The following ADGRG3 variants were observed in gnomAD, a reference collection of about 807,000 sequenced individuals.
ADGRG3 encodes the protein adhesion G protein-coupled receptor G3, also known as G protein-coupled receptor 97.
In ADGRG3, 39 loss-of-function variants were observed where a neutral mutation model predicts 54.3. The observed-to-expected ratio is 0.72, with a 90% CI of 0.56 to 0.94. The LOEUF (loss-of-function observed/expected upper bound fraction) is 0.94. Among genes scored for constraint, ADGRG3 ranks in the 40% least tolerant of loss-of-function variants. ADGRG3 has a pLI of 0.00. For synonymous variants in ADGRG3, 312 were observed against 290.0 expected, an observed-to-expected ratio of 1.08 and a Z score of -0.77; for missense variants, 654 against 694.6, an observed-to-expected ratio of 0.94 and a Z score of 0.66.
intron 8 of ADGRG3, 72 bp downstream of exon 8, chr16:57,680,689 C>A: frequency 1.9e-6 from 2 of 1,048,944 alleles, no homozygotes; most frequent in Non-Finnish European, 3.0e-6. Flanking sequence ...GGGTGGGAAG[C>A]ATTCAGGTTG....
intron 5 of ADGRG3, among the ~76,000 whole-genome samples, 182 bp from the exon 6 acceptor site, chr16:57,679,634 C>G (rs2048326935): frequency 6.6e-6 from 1 of 152,148 alleles, no homozygotes; most frequent in Non-Finnish European, 1.5e-5. Context: ...GCTTCACACG[C>G]CGGCCCAGGG....
At position 57,684,179 on chromosome 16, in the gene ADGRG3, C is replaced by T; in HGVS notation, c.1129C>T (p.His377Tyr). Residue 377 changes from histidine (H) to tyrosine (Y), a missense_variant, in exon 9 of 12, where the codon CAC becomes TAC. Coordinates refer to ENST00000333493, the MANE Select transcript of ADGRG3 (RefSeq NM_170776.5). ...AVRVFNTYFG[H>Y]YFLKLSLVGW... is the part of the protein sequence containing the mutation. ...CAGGGTCTTCAACACCTACTTCGGG[C>T]ACTACTTCCTGAAGCTGAGCCTGGT... 2 of 1,613,736 alleles carry T rather than the reference C, an allele frequency of 1.2e-6. No individual in the cohort carries two copies. The highest frequency in any genetic ancestry group is 8.5e-7 in the Non-Finnish European group (1 of 1,179,788).
intron 1 of ADGRG3, among the ~76,000 whole-genome samples, 156 bp downstream of exon 1, chr16:57,668,561 T>C (rs7205731): frequency 0.78 from 119,078 of 152,184 alleles, 46,937 homozygotes; most frequent in East Asian, 0.98. Flanking sequence ...CTCAGCACCT[T>C]CTCTAGCCCT....
chr16:57,683,718 C>G (rs1003640406), intron 8 of ADGRG3, among the ~76,000 whole-genome samples: 2 of 152,208 alleles, frequency 1.3e-5, no homozygotes, highest in Admixed American at 1.3e-4. Flanking sequence ...GGATCCGGAA[C>G]CCACAGGGCC....
rs12596635 is a variant in ADGRG3, at chr16:57,676,181, C to G, written c.207-19C>G. ...AGCCTGCAGGATCCTACCCTCCCCC[C>G]ATCCCTGGCCCTTTGCAGATACTGG... On this transcript the variant is annotated intron_variant, in intron 2 of 11. Coordinates refer to ENST00000333493, the MANE Select transcript of ADGRG3 (RefSeq NM_170776.5). 0.58 allele frequency: 937,063 copies of G among 1,610,516 alleles called. 280,171 individuals are homozygous for G. Among genetic ancestry groups the G allele is most frequent in the Non-Finnish European group, 0.62 (732,318 of 1,177,204 alleles).
At chr16:57,676,104 TGA>T in intron 2 of ADGRG3, 94 bp from the exon 3 acceptor site, 1 of 1,156,492 alleles carries the variant, frequency 8.6e-7, no homozygotes, top group South Asian at 1.4e-5. Context: ...GTCTTTACTT[TGA>T]TAGTTTGGGT....
At chr16:57,666,654 G>GT (rs1567847516), upstream of ADGRG3, among the ~76,000 whole-genome samples, 2 of 152,158 alleles carry the variant, frequency 1.3e-5, no homozygotes, top group African/African-American at 4.8e-5. Context: ...GTTGGGGGGG[G>GT]TCTCAGGGTT....
At chr16:57,671,624 C>T (rs1207936684) in intron 1 of ADGRG3, among the ~76,000 whole-genome samples, 3 of 151,932 alleles carry the variant, frequency 2.0e-5, no homozygotes, top group Non-Finnish European at 2.9e-5. Context: ...CGTGAGTCAC[C>T]GCACTCAGCC....
upstream of ADGRG3, among the ~76,000 whole-genome samples, chr16:57,667,125 A>G (rs769009814): frequency 1.3e-5 from 2 of 152,130 alleles, no homozygotes; most frequent in Admixed American, 6.5e-5. Flanking sequence ...CTCCCACACC[A>G]TGAGTGACCC....
rs142561496 is a variant in ADGRG3, at chr16:57,678,174, C to T, written c.350C>T (p.Pro117Leu). 21 of 1,613,858 alleles carry T rather than the reference C, an allele frequency of 1.3e-5. No homozygotes were observed. In the African/African-American group the frequency reaches 2.7e-4, roughly 21 times the overall value. Reference protein sequence around the residue: ...FYFSLEPSQVPRQVMKDEDKP... With the variant: ...FYFSLEPSQVLRQVMKDEDKP... Reference sequence around the variant, plus strand: ...CTGCTGTGTCTGTGGTTGTAGGTTCCGAGGCAGGTGATGAAGGACGAGGAC... The same window carrying T: ...CTGCTGTGTCTGTGGTTGTAGGTTCTGAGGCAGGTGATGAAGGACGAGGAC... Residue 117 changes from proline (P) to leucine (L), a missense_variant, in exon 4 of 12, where the codon CCG becomes CTG. Transcript: ENST00000333493.
intron 8 of ADGRG3, among the ~76,000 whole-genome samples, chr16:57,681,390 G>A (rs552203687): frequency 8.6e-5 from 13 of 151,620 alleles, no homozygotes; most frequent in South Asian, 6.2e-4. Flanking sequence ...GCGTGCGTGC[G>A]CGCAGGACAT....
rs751073658 is a variant in ADGRG3 at position 57,673,480 on chromosome 16, C to T, written c.206+12C>T. 6 of 1,591,148 alleles carry T rather than the reference C, an allele frequency of 3.8e-6. No homozygotes were observed. The highest frequency in any genetic ancestry group is 1.3e-5 in the African/African-American group (1 of 74,624). ...GAAAACTTGCAGAGGTGAGGGGGCC[C>T]CCTGAGCTGGAGGGGGAATCTGAAG... On this transcript the variant is annotated intron_variant, in intron 2 of 11. Coordinates refer to ENST00000333493, the MANE Select transcript of ADGRG3 (RefSeq NM_170776.5).
Position 57,683,344 on chromosome 16 carries a change from A to T in ADGRG3, c.882-588A>T, listed in dbSNP as rs77657568. ...ACCTCCATCCCATAATTTTAAGTAC[A>T]TGCATGATATGCAGCCCATATGCAT... is the stretch of plus-strand genomic sequence containing the variant. On this transcript the variant is annotated intron_variant, in intron 8 of 11. Coordinates refer to ENST00000333493, the MANE Select transcript of ADGRG3 (RefSeq NM_170776.5). 1.7e-3 allele frequency among the ~76,000 whole-genome samples: 252 copies of T among 152,300 alleles called. 1 individual carries two copies. In the East Asian group the frequency reaches 0.033, roughly 20 times the overall value.
At chr16:57,676,062 G>A (rs565326860) in intron 2 of ADGRG3, 138 bp from the exon 3 acceptor site, 3 of 691,720 alleles carry the variant, frequency 4.3e-6, no homozygotes, top group Admixed American at 3.0e-5. Flanking sequence ...CGGCCCCCAA[G>A]CCACTTTTCT....
chr16:57,688,634 T>C lies in ADGRG3; in HGVS notation c.*173T>C. The C allele has an allele frequency of 1.6e-6, 1 of 618,800 alleles. No individual in the cohort carries two copies. The highest frequency in any genetic ancestry group is 2.9e-6 in the Non-Finnish European group (1 of 342,386). 38.3% of individuals were successfully genotyped at this position (618,800 alleles called of 1,614,324 possible). A position where few individuals can be genotyped will look rare whatever the true frequency, so the allele number is the denominator to read the frequency against. ...ATCAGAGGTCCCATCCAGATCCAAC[T>C]ATAGGTCCAAGAGTCCACGTAAGCA... On this transcript the variant is annotated 3_prime_UTR_variant, in exon 12 of 12. Transcript: ENST00000333493.
chr16:57,668,264 G>A (rs2048086872), upstream of ADGRG3: 1 of 1,136,264 alleles, frequency 8.8e-7, no homozygotes, highest in Non-Finnish European at 1.3e-6. Context: ...GGGCTGCAGG[G>A]TGGGGGCAGG....
At position 57,668,367 on chromosome 16, in the gene ADGRG3, TG is replaced by T. The variant is rs1343444066; in HGVS notation, c.25del (p.Ala9ProfsTer36). 6 of 1,575,206 alleles carry T rather than the reference TG, an allele frequency of 3.8e-6. No homozygotes were observed. The highest frequency in any genetic ancestry group is 1.7e-6 in the Non-Finnish European group (2 of 1,167,536). MATPRG[L>X]GALLLLLLLP... ...CCAAGGATGGCGACGCCCAGGGGCC[TG>T]GGGGCCCTGCTCCTGCTCCTCCTGC... On this transcript the variant is annotated frameshift_variant, in exon 1 of 12. Transcript: ENST00000333493. LOFTEE classifies it high-confidence loss of function.
chr16:57,681,843 T>TG (rs1383438723), intron 8 of ADGRG3, among the ~76,000 whole-genome samples: 3 of 151,882 alleles, frequency 2.0e-5, no homozygotes, highest in Non-Finnish European at 4.4e-5. Context: ...CTTCTGCGTA[T>TG]GGGGTCCTAC....
chr16:57,686,183 A>T (rs1246365700), intron 11 of ADGRG3, among the ~76,000 whole-genome samples: 1 of 152,206 alleles, frequency 6.6e-6, no homozygotes, highest in African/African-American at 2.4e-5. Context: ...TAATTGGCTC[A>T]TGGTTCTGCA....
Sources: gnomAD v4.1 joint callset for allele counts (sites outside exome capture counted in the v4.1 genomes callset) on GRCh38, gnomAD v4.1.1 for gene constraint, MANE v1.5 for transcripts, NCBI Gene and HGNC (gene_info 2026-07-23, HGNC 2026-07-21) for gene names.